Variants in CADM1 observed in about 807,000 individuals in gnomAD.
The protein encoded by CADM1 is TSLC-1.
Under a neutral mutation model 53.1 loss-of-function variants are expected in CADM1, and 15 were observed. The ratio of observed to expected loss-of-function variants is 0.28; its 90% CI spans 0.19 to 0.44. The LOEUF is 0.44. Ranked by LOEUF, CADM1 falls within the 20% of genes least tolerant of loss-of-function variation. The pLI is 1.00. For missense variants in CADM1, 434 were observed against 611.3 expected, an observed-to-expected ratio of 0.71 and a Z score of 3.06; for synonymous variants, 281 against 243.0, an observed-to-expected ratio of 1.16 and a Z score of -1.45.
chr11:115,329,058 C>A (rs1288237353), intron 1 of CADM1, among the ~76,000 whole-genome samples: 1 of 151,586 alleles, frequency 6.6e-6, no homozygotes, highest in Non-Finnish European at 1.5e-5. Flanking sequence ...TTTCAACCAC[C>A]ACTTAACTAC....
intron 10 of CADM1, among the ~76,000 whole-genome samples, chr11:115,181,175 G>A (rs1240149523): frequency 2.2e-5 from 3 of 135,326 alleles, no homozygotes; most frequent in African/African-American, 8.0e-5. Context: ...GGGGGGAGGG[G>A]GGAGGGGAGA....
intron 1 of CADM1, among the ~76,000 whole-genome samples, chr11:115,242,634 A>G (rs1403917973): frequency 6.6e-6 from 1 of 152,186 alleles, no homozygotes; most frequent in Admixed American, 6.5e-5. Flanking sequence ...AAGGCATAGG[A>G]CTTGCTTTGA....
intron 1 of CADM1, among the ~76,000 whole-genome samples, chr11:115,360,300 G>C (rs1051856875): frequency 6.6e-6 from 1 of 152,172 alleles, no homozygotes; most frequent in Non-Finnish European, 1.5e-5. Context: ...AAAACGTACA[G>C]TGAAATTAAA....
intron 1 of CADM1, among the ~76,000 whole-genome samples, chr11:115,345,175 C>T (rs1056877286): frequency 1.3e-5 from 2 of 152,142 alleles, no homozygotes; most frequent in Non-Finnish European, 2.9e-5. Flanking sequence ...ACTGCCACCA[C>T]GCTGACCAAA....
intron 2 of CADM1, among the ~76,000 whole-genome samples, chr11:115,238,856 G>A (rs527513824): frequency 5.2e-4 from 79 of 151,800 alleles, no homozygotes; most frequent in African/African-American, 1.6e-3. Flanking sequence ...GTATGTGTGC[G>A]TGTGCATATA....
At chr11:115,179,776 G>A (rs1328012209) in intron 10 of CADM1, among the ~76,000 whole-genome samples, 2 of 151,822 alleles carry the variant, frequency 1.3e-5, no homozygotes, top group Admixed American at 6.6e-5. Context: ...TTTACTAGCT[G>A]TACCTTACAA....
chr11:115,446,375 A>T (rs1342145224), intron 1 of CADM1, among the ~76,000 whole-genome samples: 1 of 152,208 alleles, frequency 6.6e-6, no homozygotes, highest in African/African-American at 2.4e-5. Context: ...TCACTAGCAC[A>T]TCACACTGCC....
chr11:115,369,937 T>C (rs951353040), intron 1 of CADM1, among the ~76,000 whole-genome samples: 1 of 152,236 alleles, frequency 6.6e-6, no homozygotes, highest in Admixed American at 6.5e-5. Flanking sequence ...GCAACAAATC[T>C]GTCCTTTAAG....
chr11:115,455,688 C>CA (rs1035784610), intron 1 of CADM1, among the ~76,000 whole-genome samples: 108 of 152,174 alleles, frequency 7.1e-4, no homozygotes, highest in Non-Finnish European at 1.4e-3. Context: ...AACTTCCCTA[C>CA]AAAAAACAAA....
intron 5 of CADM1, among the ~76,000 whole-genome samples, chr11:115,218,719 A>T (rs1941290002): frequency 6.6e-6 from 1 of 152,172 alleles, no homozygotes; most frequent in African/African-American, 2.4e-5. Flanking sequence ...TCTGATCCAT[A>T]AGTGCATTTC....
rs11358670 is a variant in CADM1 at position 115,502,327 on chromosome 11, C to CTTT, written c.124+1941_124+1943dup. ...ACCACAGCTTTCCACCGCCCCCCGG[C>CTTT]TTTTTTTTTTTTTTTTTTTTTTTTT... On this transcript the variant is annotated intron_variant, in intron 1 of 11. Transcript: ENST00000331581. 1.6e-3 allele frequency among the ~76,000 whole-genome samples: 84 copies of CTTT among 52,380 alleles called. 4 individuals carry two copies. The highest frequency in any genetic ancestry group is 2.2e-3 in the South Asian group (2 of 928). The allele number at this position is 52,380 out of a possible 152,430, so 34.4% of individuals were successfully genotyped here. A position where few individuals can be genotyped will look rare whatever the true frequency, so the allele number is the denominator to read the frequency against.
chr11:115,432,524 G>A (rs1035490529), intron 1 of CADM1, among the ~76,000 whole-genome samples: 2 of 152,166 alleles, frequency 1.3e-5, no homozygotes, highest in Non-Finnish European at 2.9e-5. Context: ...GCTGTAGACT[G>A]CTGATCAATA....
At chr11:115,347,959 G>A (rs934930455) in intron 1 of CADM1, among the ~76,000 whole-genome samples, 2 of 152,110 alleles carry the variant, frequency 1.3e-5, no homozygotes, top group African/African-American at 2.4e-5. Flanking sequence ...AAAATAAGGC[G>A]AACATATGAT....
intron 1 of CADM1, among the ~76,000 whole-genome samples, chr11:115,261,702 CTT>C (rs965678118): frequency 6.6e-6 from 1 of 151,658 alleles, no homozygotes; most frequent in Non-Finnish European, 1.5e-5. Context: ...ATTGAAAAGA[CTT>C]TTGTAAAAAT....
rs771278479 is a variant in CADM1, at chr11:115,445,808, G to A, written c.124+58463C>T. Reference sequence around the variant, plus strand: ...TGCAGTGAGCCGAGATTGTGCCACCGCACTCCAGCCTGGGTGATGAAGTGA... The same window carrying A: ...TGCAGTGAGCCGAGATTGTGCCACCACACTCCAGCCTGGGTGATGAAGTGA... On this transcript the variant is annotated intron_variant, in intron 1 of 11. Coordinates refer to ENST00000331581, the MANE Select transcript of CADM1 (RefSeq NM_001301043.2). 64 of 451,312 alleles carry A rather than the reference G, an allele frequency of 1.4e-4. 1 individual carries two copies. The highest frequency in any genetic ancestry group is 9.3e-4 in the East Asian group (13 of 13,996). 28.0% of individuals were successfully genotyped at this position (451,312 alleles called of 1,614,324 possible).
At chr11:115,312,659 A>C (rs189314253) in intron 1 of CADM1, among the ~76,000 whole-genome samples, 1 of 152,282 alleles carries the variant, frequency 6.6e-6, no homozygotes, top group Non-Finnish European at 1.5e-5. Context: ...CCTTACCAAA[A>C]ATAAAACTCC....
chr11:115,497,741 G>A (rs1487667426), intron 1 of CADM1, among the ~76,000 whole-genome samples: 3 of 151,994 alleles, frequency 2.0e-5, no homozygotes, highest in Admixed American at 6.5e-5. Context: ...CTTTTTATTC[G>A]ATTTTGCTGG....
intron 1 of CADM1, among the ~76,000 whole-genome samples, chr11:115,326,566 G>T (rs1428102544): frequency 6.6e-6 from 1 of 152,054 alleles, no homozygotes; most frequent in Non-Finnish European, 1.5e-5. Context: ...TATGTGCCCA[G>T]CATTTAAAAA....
intron 5 of CADM1, among the ~76,000 whole-genome samples, chr11:115,224,107 T>A (rs549576686): frequency 6.6e-6 from 1 of 152,104 alleles, no homozygotes; most frequent in South Asian, 2.1e-4. Context: ...TAGAAGCTGC[T>A]CTTGGGAACT....
Sources: gnomAD v4.1 joint callset for allele counts (sites outside exome capture counted in the v4.1 genomes callset) on GRCh38, gnomAD v4.1.1 for gene constraint, MANE v1.5 for transcripts, NCBI Gene and HGNC (gene_info 2026-07-23, HGNC 2026-07-21) for gene names.